Variants in ATP8B4 observed in about 807,000 individuals in gnomAD.
ATP8B4 encodes the protein ATPase phospholipid transporting 8B4 (putative), also known as probable phospholipid-transporting ATPase IM.
Under a neutral mutation model 145.6 loss-of-function variants are expected in ATP8B4, and 133 were observed. The ratio of observed to expected loss-of-function variants is 0.91; its 90% CI spans 0.79 to 1.05. The LOEUF (loss-of-function observed/expected upper bound fraction) is 1.05, where lower values mean the gene tolerates loss of function less well. ATP8B4 is among the 50% of genes least tolerant of loss of function. ATP8B4 has a pLI of 0.00. For synonymous variants in ATP8B4, 507 were observed against 492.9 expected (o/e 1.03, Z -0.38); for missense variants, 1,458 against 1,425.2 (o/e 1.02, Z -0.37).
At position 50,085,980 on chromosome 15, in the gene ATP8B4, A is replaced by T. The variant is rs372990690; in HGVS notation, c.29-11795T>A. ...ATATATATTTATATATGATATATCAAATATATCATATATATTTATTATATA... is the reference window on the plus strand; with the variant it reads ...ATATATATTTATATATGATATATCATATATATCATATATATTTATTATATA... On this transcript the variant is annotated intron_variant, in intron 2 of 27. Transcript: ENST00000284509. Among the ~76,000 whole-genome samples the T allele has an allele frequency of 4.4e-3, 90 of 20,622 alleles. 5 individuals are homozygous for T. The highest frequency in any genetic ancestry group is 0.034 in the African/African-American group (58 of 1,730). The allele number at this position is 20,622 out of a possible 152,430, so 13.5% of individuals were successfully genotyped here.
chr15:49,966,418 G>A (rs571876757), intron 13 of ATP8B4, among the ~76,000 whole-genome samples: 27 of 152,286 alleles, frequency 1.8e-4, no homozygotes, highest in African/African-American at 6.3e-4. Context: ...GACCTGGGAC[G>A]CTCGAACTTG....
At chr15:49,892,683 A>G (rs961629870) in intron 23 of ATP8B4, among the ~76,000 whole-genome samples, 3 of 152,222 alleles carry the variant, frequency 2.0e-5, no homozygotes, top group African/African-American at 7.2e-5. Flanking sequence ...TGTGTTGCTT[A>G]GAAAAAGCAG....
Position 49,898,050 on chromosome 15 carries a change from G to T in ATP8B4, c.2473+18C>A. On this transcript the variant is annotated intron_variant, in intron 22 of 27. Coordinates refer to ENST00000284509, the MANE Select transcript of ATP8B4 (RefSeq NM_024837.4). Reference sequence around the variant, plus strand: ...CCCCATGTATGCAGCATACCCCATTGAGCAAATATCCTCTTACTTTTAATC... The same window carrying T: ...CCCCATGTATGCAGCATACCCCATTTAGCAAATATCCTCTTACTTTTAATC... 2 of 1,613,030 alleles carry T rather than the reference G, an allele frequency of 1.2e-6. No individual in the cohort carries two copies. Among genetic ancestry groups the T allele is most frequent in the South Asian group, 2.2e-5 (2 of 91,002 alleles).
chr15:49,886,381 G>T (rs535666620), intron 23 of ATP8B4, among the ~76,000 whole-genome samples: 15 of 152,256 alleles, frequency 9.9e-5, no homozygotes, highest in African/African-American at 3.4e-4. Flanking sequence ...CAATAAGTGA[G>T]CACCATATTA....
In ATP8B4 at chr15:49,858,262, T is replaced by C. The variant is rs376581288; in HGVS notation, c.*1932A>G. ...GTACCAATAGTGCCAAAACATTTAC[T>C]GAAAGTTTTCAAATCTTGCAAAAAT... is the stretch of plus-strand genomic sequence containing the variant. On this transcript the variant is annotated 3_prime_UTR_variant, in exon 28 of 28. Coordinates refer to ENST00000284509, the MANE Select transcript of ATP8B4 (RefSeq NM_024837.4). 3.3e-5 allele frequency: 5 copies of C among 152,194 alleles called. No individual in the cohort carries two copies. In the East Asian group the frequency reaches 7.7e-4, roughly 23 times the overall value. The allele number at this position is 152,194 out of a possible 1,614,324, so 9.4% of individuals were successfully genotyped here. A position where few individuals can be genotyped will look rare whatever the true frequency, so the allele number is the denominator to read the frequency against.
intron 6 of ATP8B4, among the ~76,000 whole-genome samples, chr15:50,024,433 G>T (rs2049851524): frequency 6.6e-6 from 1 of 152,136 alleles, no homozygotes; most frequent in Non-Finnish European, 1.5e-5. Context: ...TGCTCCACAT[G>T]TGATTTCTCA....
chr15:50,023,188 G>A (rs989491085), intron 6 of ATP8B4, among the ~76,000 whole-genome samples: 22 of 152,172 alleles, frequency 1.4e-4, no homozygotes, highest in African/African-American at 5.1e-4. Flanking sequence ...AAGACCTTAT[G>A]GTCTTATTTA....
chr15:50,168,978 C>T (rs1307747008), intron 1 of ATP8B4, among the ~76,000 whole-genome samples: 1 of 152,192 alleles, frequency 6.6e-6, no homozygotes, highest in Non-Finnish European at 1.5e-5. Flanking sequence ...TACACAGCTT[C>T]AGTGACCTGG....
chr15:49,882,937 T>G (rs2035646409), intron 23 of ATP8B4, among the ~76,000 whole-genome samples: 9 of 152,190 alleles, frequency 5.9e-5, no homozygotes, highest in Admixed American at 5.9e-4. Flanking sequence ...TGATAAAAAA[T>G]TTAAAAATTA....
chr15:50,149,325 C>CT (rs2044317650), intron 1 of ATP8B4, among the ~76,000 whole-genome samples: 1 of 152,172 alleles, frequency 6.6e-6, no homozygotes, highest in Non-Finnish European at 1.5e-5. Flanking sequence ...AAAGGAGATC[C>CT]TAGTATCACT....
intron 2 of ATP8B4, among the ~76,000 whole-genome samples, chr15:50,092,762 T>C (rs956255455): frequency 1.1e-4 from 17 of 152,030 alleles, no homozygotes; most frequent in East Asian, 3.9e-4. Context: ...TGGATCCCCA[T>C]TGAGGAGAAC....
At chr15:49,919,030 T>C (rs1275935111) in intron 18 of ATP8B4, 80 bp from the exon 19 acceptor site, 1 of 997,816 alleles carries the variant, frequency 1.0e-6, no homozygotes, top group Non-Finnish European at 1.5e-6. Flanking sequence ...ACTCACAGAT[T>C]CTGGAGGCCA....
At chr15:50,037,258 T>A (rs1200175988) in intron 6 of ATP8B4, among the ~76,000 whole-genome samples, 3 of 152,222 alleles carry the variant, frequency 2.0e-5, no homozygotes, top group Admixed American at 6.5e-5. Context: ...AGACTGATGA[T>A]TAGATGTTCC....
rs1466079572 is a variant in ATP8B4, at chr15:49,960,694, G to A, written c.1287+1283C>T. Among the ~76,000 whole-genome samples the A allele has an allele frequency of 9.2e-5, 14 of 152,046 alleles. No homozygotes were observed. The East Asian group carries it at 2.7e-3, about 29-fold the overall frequency. On this transcript the variant is annotated intron_variant, in intron 14 of 27. Transcript: ENST00000284509. ...AATATTTTTCATGGCAAAAATACCA[G>A]AAAAATAATCATGGGACAAAGGACA...
intron 6 of ATP8B4, among the ~76,000 whole-genome samples, chr15:50,035,909 G>T (rs1414836310): frequency 6.6e-6 from 1 of 152,102 alleles, no homozygotes; most frequent in African/African-American, 2.4e-5. Flanking sequence ...AAATACACAA[G>T]GGAAGCCACA....
intron 9 of ATP8B4, among the ~76,000 whole-genome samples, chr15:49,989,096 A>G (rs1396035033): frequency 6.6e-6 from 1 of 152,172 alleles, no homozygotes; most frequent in South Asian, 2.1e-4. Flanking sequence ...GAGGATTTGG[A>G]TAAGACAAAC....
At chr15:49,997,814 A>G (rs1263300044) in intron 8 of ATP8B4, among the ~76,000 whole-genome samples, 1 of 152,178 alleles carries the variant, frequency 6.6e-6, no homozygotes, top group East Asian at 1.9e-4. Context: ...TCTTCAGGAA[A>G]GACTAAGTTG....
chr15:49,941,059 G>C (rs1323578466), intron 14 of ATP8B4, among the ~76,000 whole-genome samples: 4 of 151,980 alleles, frequency 2.6e-5, no homozygotes, highest in Non-Finnish European at 5.9e-5. Flanking sequence ...AACCAAACTG[G>C]GAAAAGAAAG....
intron 2 of ATP8B4, among the ~76,000 whole-genome samples, chr15:50,089,253 G>A (rs562145930): frequency 2.0e-5 from 3 of 152,244 alleles, no homozygotes; most frequent in East Asian, 3.9e-4. Flanking sequence ...AAAAGCAATT[G>A]CAACAAAAGT....
Sources: gnomAD v4.1 joint callset for allele counts (sites outside exome capture counted in the v4.1 genomes callset) on GRCh38, gnomAD v4.1.1 for gene constraint, MANE v1.5 for transcripts, NCBI Gene and HGNC (gene_info 2026-07-23, HGNC 2026-07-21) for gene names.